The following ARSG variants were observed in gnomAD, a reference collection of about 807,000 sequenced individuals.
The protein encoded by ARSG is arylsulfatase G.
Under a neutral mutation model 50.5 loss-of-function variants are expected in ARSG, and 37 were observed. The ratio of observed to expected loss-of-function variants is 0.73; its 90% CI spans 0.56 to 0.96. The LOEUF is 0.96. Among genes scored for constraint, ARSG ranks in the 50% least tolerant of loss-of-function variants. The probability of loss-of-function intolerance (pLI) is 0.00; values close to 1 mark genes in which losing one functional copy is unlikely to be tolerated. For missense variants in ARSG, 629 were observed against 675.3 expected, an observed-to-expected ratio of 0.93 and a Z score of 0.76; for synonymous variants, 225 against 254.6, an observed-to-expected ratio of 0.88 and a Z score of 1.11.
chr17:68,424,279 A>G (rs2082999185), downstream of ARSG, among the ~76,000 whole-genome samples: 1 of 152,170 alleles, frequency 6.6e-6, no homozygotes, highest in Non-Finnish European at 1.5e-5. Context: ...GAAATGTAAA[A>G]GCTCACGCTG....
downstream of ARSG, chr17:68,422,731 C>CAAAAAA (rs71142175): frequency 4.5e-5 from 3 of 66,428 alleles, no homozygotes; most frequent in Admixed American, 2.1e-4. Flanking sequence ...TCTATCATCT[C>CAAAAAA]AAAAAAAAAA....
intron 11 of ARSG, among the ~76,000 whole-genome samples, chr17:68,416,106 G>A (rs2082351857): frequency 6.6e-6 from 1 of 152,014 alleles, no homozygotes; most frequent in South Asian, 2.1e-4. Flanking sequence ...TTTTCAAATT[G>A]TATTTTTGTT....
At chr17:68,422,697 C>G (rs1324223291), downstream of ARSG, 1 of 123,248 alleles carries the variant, frequency 8.1e-6, no homozygotes, top group African/African-American at 3.0e-5. Flanking sequence ...CCAACACATT[C>G]TAGCCTGAGG....
At chr17:68,433,523 C>G in the ARSG span, 1 of 1,613,678 alleles carries the variant, frequency 6.2e-7, no homozygotes, top group Non-Finnish European at 8.5e-7. Flanking sequence ...TTACTGGAGG[C>G]GCAGAGGAAT....
chr17:68,324,679 G>T (rs749733435), intron 2 of ARSG, among the ~76,000 whole-genome samples: 13 of 152,160 alleles, frequency 8.5e-5, no homozygotes, highest in Non-Finnish European at 1.8e-4. Context: ...AACTCTCTCT[G>T]CCTCAGCTTC....
chr17:68,299,280 T>C (rs530730820), intron 1 of ARSG, among the ~76,000 whole-genome samples: 196 of 152,050 alleles, frequency 1.3e-3, no homozygotes, highest in Middle Eastern at 6.8e-3. Context: ...AATTTTTATA[T>C]TTTTAGTAGA....
At chr17:68,283,993 A>T (rs1389759233) in intron 1 of ARSG, among the ~76,000 whole-genome samples, 1 of 150,732 alleles carries the variant, frequency 6.6e-6, no homozygotes. Flanking sequence ...CAGGAGGCTG[A>T]GGCACGAGAA....
chr17:68,346,940 C>G (rs770621013), intron 3 of ARSG, 185 bp from the exon 4 acceptor site: 1 of 1,510,512 alleles, frequency 6.6e-7, no homozygotes. Flanking sequence ...CTTTATGTGT[C>G]CCTGTGGACA....
the ARSG span, among the ~76,000 whole-genome samples, chr17:68,437,038 A>G: frequency 0.64 from 76,580 of 119,074 alleles, 20,623 homozygotes; most frequent in African/African-American, 0.71. Context: ...GTGTGTGTGT[A>G]TATATTGCTC....
chr17:68,273,981 C>T (rs782692886), intron 1 of ARSG: 85 of 1,613,966 alleles, frequency 5.3e-5, no homozygotes, highest in Non-Finnish European at 6.3e-5. Context: ...GAGAAGGAGG[C>T]GGCCACCATC....
chr17:68,334,632 G>A (rs908132581), intron 2 of ARSG, among the ~76,000 whole-genome samples: 6 of 152,050 alleles, frequency 3.9e-5, no homozygotes, highest in Non-Finnish European at 5.9e-5. Context: ...AGGTCGCCTC[G>A]TGGAGTGTAG....
At chr17:68,372,913 A>G (rs564349178) in intron 8 of ARSG, among the ~76,000 whole-genome samples, 2 of 112,254 alleles carry the variant, frequency 1.8e-5, no homozygotes, top group East Asian at 5.6e-4. Context: ...TTTTTTTGAG[A>G]CAGAGTCCCA....
chr17:68,302,323 G>A (rs964338476), intron 1 of ARSG, among the ~76,000 whole-genome samples: 2 of 151,972 alleles, frequency 1.3e-5, no homozygotes, highest in African/African-American at 2.4e-5. Flanking sequence ...TTTTGGCCTC[G>A]GCTCATCAGA....
chr17:68,372,877 ATTT>A lies in ARSG; in HGVS notation c.982+2383_982+2385del, dbSNP rs55668215. ...TTCTGGTGCAGAGAAGGAAATGCTG[ATTT>A]TTTTTTTTTTTTTTTTTTTTTTTTT... On this transcript the variant is annotated intron_variant, in intron 8 of 11. Coordinates refer to ENST00000621439, the MANE Select transcript of ARSG (RefSeq NM_001267727.2). 7.4e-3 allele frequency among the ~76,000 whole-genome samples: 682 copies of A among 92,710 alleles called. 1 individual carries two copies. The highest frequency in any genetic ancestry group is 0.025 in the African/African-American group (601 of 24,096). The allele number at this position is 92,710 out of a possible 152,430, so 60.8% of individuals were successfully genotyped here.
At chr17:68,279,684 A>AGACATT (rs1372609374) in intron 1 of ARSG, among the ~76,000 whole-genome samples, 1 of 152,188 alleles carries the variant, frequency 6.6e-6, no homozygotes, top group South Asian at 2.1e-4. Flanking sequence ...ACTTCTAAGG[A>AGACATT]GACATTGACA....
At chr17:68,410,618 C>G (rs1277192974) in intron 11 of ARSG, among the ~76,000 whole-genome samples, 5 of 152,166 alleles carry the variant, frequency 3.3e-5, no homozygotes, top group Non-Finnish European at 5.9e-5. Flanking sequence ...GCTTTGGTAT[C>G]AGGATGATGC....
In ARSG at chr17:68,383,277, C is replaced by G. The variant is rs75924001; in HGVS notation, c.983-1787C>G. Among the ~76,000 whole-genome samples, 1,081 of 152,142 alleles carry G rather than the reference C, an allele frequency of 7.1e-3. 11 individuals are homozygous for G. Among genetic ancestry groups the G allele is most frequent in the African/African-American group, 0.025 (1,028 of 41,518 alleles). ...TAGACCAATCCCTAATTGGTGAAGA[C>G]CAATTAGCAAATTTATTAACTAAAG... On this transcript the variant is annotated intron_variant, in intron 8 of 11. Transcript: ENST00000621439.
chr17:68,420,554 C>G lies in ARSG; in HGVS notation c.*91C>G. On this transcript the variant is annotated 3_prime_UTR_variant, in exon 12 of 12. Transcript: ENST00000621439. ...TTTTTACCCTCTTTACAAACACACG[C>G]TTTAGTTTAGTCTTGGAGTTTAGTT... 1 of 1,421,252 alleles carries G rather than the reference C, an allele frequency of 7.0e-7. No homozygotes were observed. The highest frequency in any genetic ancestry group is 9.7e-7 in the Non-Finnish European group (1 of 1,029,298). 88.0% of individuals were successfully genotyped at this position (1,421,252 alleles called of 1,614,324 possible).
intron 10 of ARSG, among the ~76,000 whole-genome samples, chr17:68,398,781 G>A (rs2081357194): frequency 6.6e-6 from 1 of 152,184 alleles, no homozygotes; most frequent in Non-Finnish European, 1.5e-5. Context: ...CTCTAGGGAC[G>A]TTGTCTCTGT....
Sources: gnomAD v4.1 joint callset for allele counts (sites outside exome capture counted in the v4.1 genomes callset) on GRCh38, gnomAD v4.1.1 for gene constraint, MANE v1.5 for transcripts, NCBI Gene and HGNC (gene_info 2026-07-23, HGNC 2026-07-21) for gene names.